Variants in FOXJ3 observed in about 807,000 individuals in gnomAD.
The protein encoded by FOXJ3 is forkhead box protein J3.
FOXJ3 carries 22 observed loss-of-function variants against 76.1 expected under a neutral mutation model. The ratio of observed to expected loss-of-function variants is 0.29; its 90% CI spans 0.21 to 0.41. The LOEUF (loss-of-function observed/expected upper bound fraction) is 0.41, where lower values mean the gene tolerates loss of function less well. Ranked by LOEUF, FOXJ3 falls within the 10% of genes least tolerant of loss-of-function variation. FOXJ3 has a pLI of 1.00. For missense variants in FOXJ3, 613 were observed against 762.1 expected (o/e 0.80, Z 2.30); for synonymous variants, 269 against 261.2 (o/e 1.03, Z -0.29).
At chr1:42,191,015 T>C (rs747734745) in intron 9 of FOXJ3, among the ~76,000 whole-genome samples, 18 of 152,202 alleles carry the variant, frequency 1.2e-4, no homozygotes, top group Non-Finnish European at 1.3e-4. Context: ...AATGTGGTCA[T>C]CTATACTTGA....
chr1:42,295,287 C>T (rs1272893718), intron 2 of FOXJ3, among the ~76,000 whole-genome samples: 1 of 152,004 alleles, frequency 6.6e-6, no homozygotes, highest in Non-Finnish European at 1.5e-5. Context: ...TATTTAGCTT[C>T]CACTTATAAG....
intron 2 of FOXJ3, among the ~76,000 whole-genome samples, chr1:42,279,348 G>A (rs551162016): frequency 6.6e-6 from 1 of 152,246 alleles, no homozygotes; most frequent in African/African-American, 2.4e-5. Flanking sequence ...CAGTACCAGG[G>A]AGTTACTTTT....
intron 5 of FOXJ3, among the ~76,000 whole-genome samples, chr1:42,224,030 C>CA (rs1400652559): frequency 6.6e-6 from 1 of 152,198 alleles, no homozygotes; most frequent in African/African-American, 2.4e-5. Flanking sequence ...CTTTAAAAAG[C>CA]ATTTGACACA....
At chr1:42,311,459 T>C (rs1360377432) in intron 1 of FOXJ3, among the ~76,000 whole-genome samples, 2 of 152,172 alleles carry the variant, frequency 1.3e-5, no homozygotes, top group African/African-American at 4.8e-5. Flanking sequence ...ACTGTTTTAG[T>C]AGAGTCCTAG....
intron 4 of FOXJ3, among the ~76,000 whole-genome samples, chr1:42,261,051 A>C (rs928128793): frequency 2.6e-5 from 4 of 152,248 alleles, no homozygotes; most frequent in African/African-American, 9.6e-5. Context: ...AACAAAATTG[A>C]GAAAAGGTTA....
chr1:42,194,009 G>A (rs1473728906), intron 8 of FOXJ3, among the ~76,000 whole-genome samples: 1 of 152,150 alleles, frequency 6.6e-6, no homozygotes, highest in African/African-American at 2.4e-5. Context: ...ACAAGCCCTC[G>A]CCAGACACCA....
chr1:42,299,334 GTATCAAACCCTT>G (rs957221194), intron 2 of FOXJ3, among the ~76,000 whole-genome samples: 6 of 149,274 alleles, frequency 4.0e-5, no homozygotes, highest in African/African-American at 1.5e-4. Flanking sequence ...TCTTCTTGTT[GTATCAAACCCTT>G]TATCATTATA....
At chr1:42,180,410 T>A (rs1431932131) in intron 12 of FOXJ3, among the ~76,000 whole-genome samples, 1 of 152,190 alleles carries the variant, frequency 6.6e-6, no homozygotes, top group Non-Finnish European at 1.5e-5. Flanking sequence ...ATGTGCTGTT[T>A]ATGCTCCCCA....
At chr1:42,259,044 G>A (rs998070748) in intron 4 of FOXJ3, among the ~76,000 whole-genome samples, 4 of 152,126 alleles carry the variant, frequency 2.6e-5, no homozygotes, top group Admixed American at 6.5e-5. Context: ...TGATAAATCC[G>A]TGTGATGGAA....
At chr1:42,179,996 C>G (rs568999426) in intron 12 of FOXJ3, among the ~76,000 whole-genome samples, 171 bp from the exon 13 acceptor site, 3 of 152,070 alleles carry the variant, frequency 2.0e-5, no homozygotes, top group African/African-American at 7.2e-5. Flanking sequence ...TAAGGGGATA[C>G]GGTTTAAGAG....
chr1:42,235,072 CTTTG>C (rs1484693727), intron 4 of FOXJ3, among the ~76,000 whole-genome samples: 4 of 152,314 alleles, frequency 2.6e-5, no homozygotes, highest in South Asian at 2.1e-4. Context: ...TTCCTGGCCG[CTTTG>C]TTTACCTACT....
intron 6 of FOXJ3, among the ~76,000 whole-genome samples, chr1:42,202,861 G>A (rs1233353368): frequency 6.6e-6 from 1 of 152,126 alleles, no homozygotes; most frequent in Non-Finnish European, 1.5e-5. Context: ...TTTAAATGAG[G>A]TTGTTTGTTG....
At chr1:42,266,116 T>C (rs1430644043) in intron 3 of FOXJ3, among the ~76,000 whole-genome samples, 5 of 152,160 alleles carry the variant, frequency 3.3e-5, no homozygotes, top group Admixed American at 2.6e-4. Flanking sequence ...TCTGGGATCA[T>C]ATTTTGACAT....
chr1:42,283,914 G>A (rs1472832194), intron 2 of FOXJ3, among the ~76,000 whole-genome samples: 1 of 152,178 alleles, frequency 6.6e-6, no homozygotes, highest in East Asian at 1.9e-4. Flanking sequence ...CTTTTGCCCT[G>A]CCTGCCCTCT....
Position 42,278,358 on chromosome 1 carries a change from C to A in FOXJ3, c.359G>T (p.Ser120Ile), listed in dbSNP as rs1652450843. Residue 120 changes from serine (S) to isoleucine (I), a missense_variant, in exon 3 of 13, where the codon AGT becomes ATT. By Grantham distance (142) the Ser-to-Ile change is moderately radical (BLOSUM62 -2). This residue lies in a region of FOXJ3 where 10 missense variants were observed against 45.6 expected (regional missense o/e 0.22). Transcript: ENST00000361346. ...DNFPYYREAG[S>I]GWKNSIRHNL... ...AAATAAAATCCTTACCTTCCAACCACTGCCAGCCTCTCTATAATATGGGAA... is the reference window on the plus strand; with the variant it reads ...AAATAAAATCCTTACCTTCCAACCAATGCCAGCCTCTCTATAATATGGGAA... 2 of 1,607,296 alleles carry A rather than the reference C, an allele frequency of 1.2e-6. No homozygotes were observed. The highest frequency in any genetic ancestry group is 1.7e-6 in the Non-Finnish European group (2 of 1,174,112).
chr1:42,254,168 A>G (rs1229264259), intron 4 of FOXJ3, among the ~76,000 whole-genome samples: 1 of 152,192 alleles, frequency 6.6e-6, no homozygotes, highest in Admixed American at 6.5e-5. Flanking sequence ...ATGAACAGAC[A>G]CTCCTCAAAA....
At chr1:42,320,580 A>T (rs1002323121) in intron 1 of FOXJ3, among the ~76,000 whole-genome samples, 6 of 152,216 alleles carry the variant, frequency 3.9e-5, no homozygotes, top group African/African-American at 7.2e-5. Flanking sequence ...CAGTATATGA[A>T]ATTAGATCAC....
At chr1:42,206,471 C>T (rs926541513) in intron 5 of FOXJ3, among the ~76,000 whole-genome samples, 1 of 152,132 alleles carries the variant, frequency 6.6e-6, no homozygotes, top group African/African-American at 2.4e-5. Context: ...TAGAAGGAAC[C>T]TCGACATCTG....
chr1:42,217,905 C>T (rs1440746719), intron 5 of FOXJ3, among the ~76,000 whole-genome samples: 1 of 152,176 alleles, frequency 6.6e-6, no homozygotes, highest in Admixed American at 6.5e-5. Flanking sequence ...AAAACCTACC[C>T]ATTCATCACA....
Sources: allele counts gnomAD v4.1 joint callset (sites outside exome capture counted in the v4.1 genomes callset), GRCh38; gene constraint gnomAD v4.1.1; regional missense constraint gnomAD v4.1.1; transcripts MANE v1.5; gene names NCBI Gene and HGNC (gene_info 2026-07-23, HGNC 2026-07-21).